Variants in WIF1 observed in about 807,000 individuals in gnomAD.
The protein encoded by WIF1 is Wnt inhibitory factor 1.
Under a neutral mutation model 53.5 loss-of-function variants are expected in WIF1, and 35 were observed. That is an observed-to-expected ratio of 0.65 (90% CI 0.50 to 0.87). The LOEUF is 0.87. Among genes scored for constraint, WIF1 ranks in the 40% least tolerant of loss-of-function variants. The pLI is 0.00. For missense variants in WIF1, 467 were observed against 476.8 expected (o/e 0.98, Z 0.19); for synonymous variants, 171 against 170.4 (o/e 1.00, Z -0.03).
intron 2 of WIF1, among the ~76,000 whole-genome samples, chr12:65,079,320 G>T (rs182684148): frequency 6.6e-6 from 1 of 152,102 alleles, no homozygotes; most frequent in African/African-American, 2.4e-5. Flanking sequence ...ACAAGAAATA[G>T]AAAGTTTGAA....
chr12:65,055,062 C>G, intron 9 of WIF1, 56 bp downstream of exon 9: 9 of 1,581,032 alleles, frequency 5.7e-6, no homozygotes, highest in Non-Finnish European at 6.1e-6. Flanking sequence ...TGGTCTCCCA[C>G]TCACTTTTAT....
Position 65,112,404 on chromosome 12 carries a change from TCACACACACACACACA to T in WIF1, c.288+7997_288+8012del, listed in dbSNP as rs758383148. 2.1e-4 allele frequency among the ~76,000 whole-genome samples: 26 copies of T among 123,536 alleles called. 1 individual carries two copies. Among genetic ancestry groups the T allele is most frequent in the African/African-American group, 6.6e-4 (23 of 34,886 alleles). The allele number at this position is 123,536 out of a possible 152,430, so 81.0% of individuals were successfully genotyped here. A position where few individuals can be genotyped will look rare whatever the true frequency, so the allele number is the denominator to read the frequency against. ...ATTTTTTTACAGTTCCCTGCTCTAA[TCACACACACACACACA>T]CACACACACACACACACACACACAC... On this transcript the variant is annotated intron_variant, in intron 2 of 9. Coordinates refer to ENST00000286574, the MANE Select transcript of WIF1 (RefSeq NM_007191.5).
chr12:65,051,755 G>C (rs1386853144), intron 9 of WIF1, among the ~76,000 whole-genome samples: 1 of 152,188 alleles, frequency 6.6e-6, no homozygotes, highest in Non-Finnish European at 1.5e-5. Flanking sequence ...TGGAAGTATA[G>C]TCTCCATCCA....
intron 1 of WIF1, 181 bp from the exon 2 acceptor site, chr12:65,120,737 C>G (rs1348471679): frequency 2.4e-6 from 2 of 837,300 alleles, no homozygotes; most frequent in African/African-American, 3.4e-5. Context: ...AGAATGATGC[C>G]AACAGACCCA....
rs545316389 is a variant in WIF1, at chr12:65,091,307, C to A, written c.289-13453G>T. 6.7e-3 allele frequency among the ~76,000 whole-genome samples: 992 copies of A among 148,004 alleles called. 7 individuals carry two copies. The highest frequency in any genetic ancestry group is 0.022 in the Middle Eastern group (6 of 278). ...ATGTATTTCCTAGTATTATGCAAGA[C>A]AAGTATTTTATATATTATATATATA... On this transcript the variant is annotated intron_variant, in intron 2 of 9. Coordinates refer to ENST00000286574, the MANE Select transcript of WIF1 (RefSeq NM_007191.5).
At chr12:65,120,972 G>C in intron 1 of WIF1, 72 bp downstream of exon 1, 1 of 1,356,488 alleles carries the variant, frequency 7.4e-7, no homozygotes, top group Non-Finnish European at 9.6e-7. Flanking sequence ...AGAAACGCAG[G>C]TATCCCTCTT....
intron 7 of WIF1, among the ~76,000 whole-genome samples, chr12:65,060,426 C>T (rs192876710): frequency 6.6e-6 from 1 of 152,108 alleles, no homozygotes; most frequent in African/African-American, 2.4e-5. Flanking sequence ...AGAATGAACC[C>T]AGGTAAAAGA....
intron 3 of WIF1, among the ~76,000 whole-genome samples, chr12:65,072,212 T>C (rs1482981583): frequency 6.6e-6 from 1 of 152,174 alleles, no homozygotes; most frequent in African/African-American, 2.4e-5. Context: ...CCCAAATGTG[T>C]GGTGCACATC....
At chr12:65,069,407 C>A (rs1882738414) in intron 3 of WIF1, among the ~76,000 whole-genome samples, 1 of 152,022 alleles carries the variant, frequency 6.6e-6, no homozygotes, top group Non-Finnish European at 1.5e-5. Flanking sequence ...TGAGCAATAC[C>A]CCACTGGTTT....
At chr12:65,120,992 G>C in intron 1 of WIF1, 52 bp downstream of exon 1, 1 of 1,394,604 alleles carries the variant, frequency 7.2e-7, no homozygotes, top group South Asian at 1.7e-5. Flanking sequence ...TTCTTGAAGA[G>C]TGGAGAGAGG....
Position 65,121,275 on chromosome 12 carries a change from G to T in WIF1, c.-84C>A, listed in dbSNP as rs1883607735. On this transcript the variant is annotated 5_prime_UTR_variant, in exon 1 of 10. Coordinates refer to ENST00000286574, the MANE Select transcript of WIF1 (RefSeq NM_007191.5). ...GCGCCGTCAGATACTCTGCTGCGCT[G>T]CAGCTCCCTCAGCCAGGGCTGTTCC... is the stretch of plus-strand genomic sequence containing the variant. The T allele has an allele frequency of 1.5e-6, 2 of 1,337,932 alleles. No individual in the cohort carries two copies. Among genetic ancestry groups the T allele is most frequent in the African/African-American group, 1.5e-5 (1 of 66,308 alleles). 82.9% of individuals were successfully genotyped at this position (1,337,932 alleles called of 1,614,324 possible). A position where few individuals can be genotyped will look rare whatever the true frequency, so the allele number is the denominator to read the frequency against.
intron 2 of WIF1, among the ~76,000 whole-genome samples, chr12:65,111,910 G>T (rs1449729211): frequency 1.3e-5 from 2 of 152,164 alleles, no homozygotes; most frequent in Non-Finnish European, 2.9e-5. Flanking sequence ...AGATGAATGG[G>T]TTTCAAGAGA....
At chr12:65,085,922 C>T (rs1046265224) in intron 2 of WIF1, among the ~76,000 whole-genome samples, 13 of 152,264 alleles carry the variant, frequency 8.5e-5, no homozygotes, top group African/African-American at 2.4e-4. Flanking sequence ...CACCACTGTT[C>T]ATGCAAACCA....
Position 65,121,284 on chromosome 12 carries a change from T to C in WIF1, c.-93A>G. On this transcript the variant is annotated 5_prime_UTR_variant, in exon 1 of 10. Coordinates refer to ENST00000286574, the MANE Select transcript of WIF1 (RefSeq NM_007191.5). ...GATACTCTGCTGCGCTGCAGCTCCC[T>C]CAGCCAGGGCTGTTCCCGTTTAGAC... The C allele has an allele frequency of 3.0e-6, 4 of 1,329,154 alleles. No homozygotes were observed. The highest frequency in any genetic ancestry group is 3.9e-6 in the Non-Finnish European group (4 of 1,035,122). The allele number at this position is 1,329,154 out of a possible 1,614,324, so 82.3% of individuals were successfully genotyped here.
intron 2 of WIF1, among the ~76,000 whole-genome samples, chr12:65,090,052 T>G (rs572604119): frequency 6.6e-6 from 1 of 152,308 alleles, no homozygotes; most frequent in South Asian, 2.1e-4. Context: ...AGGTATGAAA[T>G]TTCTGACTTT....
chr12:65,065,279 G>T (rs1303848104), intron 6 of WIF1, among the ~76,000 whole-genome samples: 1 of 152,118 alleles, frequency 6.6e-6, no homozygotes, highest in Non-Finnish European at 1.5e-5. Context: ...TCCACAGAGA[G>T]ATCAAGTTGC....
At chr12:65,117,377 AT>A (rs751507291) in intron 2 of WIF1, among the ~76,000 whole-genome samples, 16 of 152,190 alleles carry the variant, frequency 1.1e-4, no homozygotes, top group Non-Finnish European at 1.5e-5. Context: ...GACGAAGTTG[AT>A]GTGGGGAAAT....
At chr12:65,089,834 G>A (rs1022929634) in intron 2 of WIF1, among the ~76,000 whole-genome samples, 12 of 151,844 alleles carry the variant, frequency 7.9e-5, no homozygotes, top group Admixed American at 2.6e-4. Flanking sequence ...TTGTACTTAC[G>A]GTAAAAATCT....
intron 3 of WIF1, among the ~76,000 whole-genome samples, chr12:65,071,993 C>G (rs2136617863): frequency 6.6e-6 from 1 of 152,236 alleles, no homozygotes; most frequent in East Asian, 1.9e-4. Context: ...ATTTTATTTC[C>G]TCTTGTGCAA....
Sources: allele counts gnomAD v4.1 joint callset (sites outside exome capture counted in the v4.1 genomes callset), GRCh38; gene constraint gnomAD v4.1.1; transcripts MANE v1.5; gene names NCBI Gene and HGNC (gene_info 2026-07-23, HGNC 2026-07-21).